SREBF2: variants seen among roughly 807,000 people sequenced by gnomAD.
The protein encoded by SREBF2 is sterol regulatory element-binding protein 2.
A neutral mutation model predicts 113.1 loss-of-function variants in SREBF2; 55 were observed. The ratio of observed to expected loss-of-function variants is 0.49; its 90% CI spans 0.39 to 0.61. SREBF2 has a LOEUF of 0.61. Among genes scored for constraint, SREBF2 ranks in the 20% least tolerant of loss-of-function variants. SREBF2 has a pLI of 0.00. For synonymous variants in SREBF2, 593 were observed against 605.7 expected, an observed-to-expected ratio of 0.98 and a Z score of 0.31; for missense variants, 1,349 against 1,487.4, an observed-to-expected ratio of 0.91 and a Z score of 1.53.
chr22:41,877,998 G>GGT lies in SREBF2; in HGVS notation c.1640_1641dup (p.Ile548Ter), dbSNP rs753296874. 1.9e-6 allele frequency: 3 copies of GGT among 1,614,108 alleles called. No individual in the cohort carries two copies. The highest frequency in any genetic ancestry group is 2.5e-6 in the Non-Finnish European group (3 of 1,180,038). ...TACTCTTCTCTTATGGCTGGTAAATGGTGTGATTGTCCTGAGCGTCTTTGT... is the reference window on the plus strand; with the variant it reads ...TACTCTTCTCTTATGGCTGGTAAATGGTGTGTGATTGTCCTGAGCGTCTTTGT... On this transcript the variant is annotated frameshift_variant, in exon 9 of 19. Transcript: ENST00000361204. LOFTEE classifies it high-confidence loss of function.
intron 1 of SREBF2, among the ~76,000 whole-genome samples, chr22:41,843,543 G>A (rs2148343804): frequency 6.6e-6 from 1 of 152,326 alleles, no homozygotes; most frequent in African/African-American, 2.4e-5. Context: ...CACGTAGCTT[G>A]TAAGTGATGG....
chr22:41,895,200 C>T (rs890284095), intron 13 of SREBF2, among the ~76,000 whole-genome samples: 5 of 147,282 alleles, frequency 3.4e-5, no homozygotes, highest in African/African-American at 7.6e-5. Context: ...AGTGCAGTGG[C>T]GCAATCTTGG....
intron 1 of SREBF2, among the ~76,000 whole-genome samples, chr22:41,849,485 G>A (rs1214527054): frequency 1.3e-5 from 2 of 152,000 alleles, no homozygotes; most frequent in Non-Finnish European, 2.9e-5. Flanking sequence ...GTGAGCCACC[G>A]CACCCGCCCC....
intron 1 of SREBF2, among the ~76,000 whole-genome samples, chr22:41,848,326 A>G (rs2076897098): frequency 6.6e-6 from 1 of 151,940 alleles, no homozygotes; most frequent in Admixed American, 6.6e-5. Context: ...TGACCTCATG[A>G]TCCGCCCACC....
intron 3 of SREBF2, among the ~76,000 whole-genome samples, chr22:41,869,570 G>A (rs1379343320): frequency 6.7e-6 from 1 of 149,064 alleles, no homozygotes; most frequent in African/African-American, 2.5e-5. Flanking sequence ...TGCAACCCCC[G>A]CCTACCAGGT....
chr22:41,899,776 A>G (rs772772162), intron 15 of SREBF2, among the ~76,000 whole-genome samples: 12 of 152,134 alleles, frequency 7.9e-5, no homozygotes, highest in Non-Finnish European at 1.6e-4. Context: ...CAGAGCTTCC[A>G]TGGACAGCCA....
chr22:41,894,711 T>A (rs1475594756), intron 12 of SREBF2, 109 bp from the exon 13 acceptor site: 2 of 927,968 alleles, frequency 2.2e-6, no homozygotes, highest in Non-Finnish European at 3.6e-6. Context: ...AGAAGGGGCA[T>A]CTGATCCCCA....
At chr22:41,873,651 G>A (rs1286229243) in intron 4 of SREBF2, 147 bp from the exon 5 acceptor site, 1 of 805,244 alleles carries the variant, frequency 1.2e-6, no homozygotes. Context: ...CTTGGGGCCT[G>A]ATTTGATTAA....
rs1384433526 is a variant in SREBF2, at chr22:41,880,802, C to T, written c.1848C>T (p.Ala616=). 6.2e-7 allele frequency: 1 copy of T among 1,614,064 alleles called. No homozygotes were observed. The highest frequency in any genetic ancestry group is 8.5e-7 in the Non-Finnish European group (1 of 1,180,048). ...RALPTSRLDL[A]CSLSWNVIRY... ...TGCCCACCTCCCGCCTGGACCTGGC[C>T]TGCAGCCTCTCCTGGAACGTGATCC... The change falls in exon 10 of 19, where the codon GCC becomes GCT. Residue 616 remains alanine (A), a synonymous_variant. Coordinates refer to ENST00000361204, the MANE Select transcript of SREBF2 (RefSeq NM_004599.4).
chr22:41,874,860 T>C (rs149192849), intron 5 of SREBF2, among the ~76,000 whole-genome samples: 4,305 of 152,000 alleles, frequency 0.028, 101 homozygotes, highest in Admixed American at 0.072. Context: ...TGATCTGAGA[T>C]CGCGCCATTG....
chr22:41,847,478 C>G (rs1393567860), intron 1 of SREBF2, among the ~76,000 whole-genome samples: 2 of 152,310 alleles, frequency 1.3e-5, no homozygotes. Context: ...ATGACACATC[C>G]TTCTCTGTCT....
chr22:41,834,538 A>T (rs1249525280), intron 1 of SREBF2: 2 of 152,722 alleles, frequency 1.3e-5, no homozygotes, highest in Non-Finnish European at 2.9e-5. Flanking sequence ...GCAGGCATGT[A>T]TGATGGCTAC....
rs2077084771 is a variant in SREBF2, at chr22:41,866,961, C to T, written c.219C>T (p.Ser73=). 4 of 1,614,100 alleles carry T rather than the reference C, an allele frequency of 2.5e-6. No homozygotes were observed. The highest frequency in any genetic ancestry group is 2.5e-6 in the Non-Finnish European group (3 of 1,179,990). ...SSGSSGSSSS[S]SNGRGSSSGA... ...GCAGCAGTGGCAGCAGCAGCAGCAG[C>T]AGCAATGGCAGGGGCAGCAGCAGCG... Residue 73 remains serine, a synonymous_variant, in exon 2 of 19, where the codon AGC becomes AGT. Transcript: ENST00000361204.
Position 41,884,894 on chromosome 22 carries a change from C to T in SREBF2, c.2091C>T (p.Ala697=), listed in dbSNP as rs572333025. 15 of 1,614,184 alleles carry T rather than the reference C, an allele frequency of 9.3e-6. No individual in the cohort carries two copies. The highest frequency in any genetic ancestry group is 6.6e-5 in the South Asian group (6 of 91,082). ...CCGATGTACACATGGCGTTGTGTGC[C>T]GTGAACCTGGCTGAATGTGCAGAGG... ...ACSDVHMALC[A]VNLAECAEEK... The change falls in exon 11 of 19, where the codon GCC becomes GCT. Residue 697 remains alanine, a synonymous_variant. Transcript: ENST00000361204.
At chr22:41,903,437 T>A (rs2077481398) in intron 17 of SREBF2, among the ~76,000 whole-genome samples, 1 of 152,336 alleles carries the variant, frequency 6.6e-6, no homozygotes, top group East Asian at 1.9e-4. Context: ...CAGGGAGCTG[T>A]GCCTCCCCAG....
chr22:41,850,032 C>G (rs535633995), intron 1 of SREBF2, among the ~76,000 whole-genome samples: 57 of 152,094 alleles, frequency 3.7e-4, no homozygotes, highest in African/African-American at 1.3e-3. Context: ...CCCAGCTACT[C>G]GGGAGGCTGA....
Position 41,872,360 on chromosome 22 carries a change from A to G in SREBF2, c.867+1325A>G, listed in dbSNP as rs558266181. Among the ~76,000 whole-genome samples, 6 of 151,972 alleles carry G rather than the reference A, an allele frequency of 3.9e-5. No individual in the cohort carries two copies. The South Asian group carries it at 1.2e-3, about 32-fold the overall frequency. ...ATGAAGCTATGGTGCTGGAATTCAG[A>G]GCGGTGGTGACAAGGAGGGGAGGGG... On this transcript the variant is annotated intron_variant, in intron 4 of 18. Coordinates refer to ENST00000361204, the MANE Select transcript of SREBF2 (RefSeq NM_004599.4).
chr22:41,857,881 G>C (rs2076992168), intron 1 of SREBF2, among the ~76,000 whole-genome samples: 1 of 152,176 alleles, frequency 6.6e-6, no homozygotes, highest in African/African-American at 2.4e-5. Flanking sequence ...CTTCTCAGTT[G>C]AAGGATGTGG....
At chr22:41,890,245 C>T (rs1008940424) in intron 11 of SREBF2, among the ~76,000 whole-genome samples, 1 of 152,170 alleles carries the variant, frequency 6.6e-6, no homozygotes, top group African/African-American at 2.4e-5. Flanking sequence ...CTCTCTTTTC[C>T]ACATTGATTT....
Sources: gnomAD v4.1 joint callset for allele counts (sites outside exome capture counted in the v4.1 genomes callset) on GRCh38, gnomAD v4.1.1 for gene constraint, MANE v1.5 for transcripts, NCBI Gene and HGNC (gene_info 2026-07-23, HGNC 2026-07-21) for gene names.